Variants in TASP1 observed in about 807,000 individuals in gnomAD.
TASP1 encodes the protein threonine aspartase 1.
In TASP1, 16 loss-of-function variants were observed where a neutral mutation model predicts 56.6. That is an observed-to-expected ratio of 0.28 (90% CI 0.19 to 0.43). The LOEUF is 0.43. Among genes scored for constraint, TASP1 ranks in the 20% least tolerant of loss-of-function variants. The probability of loss-of-function intolerance (pLI) is 1.00; values close to 1 mark genes in which losing one functional copy is unlikely to be tolerated. For missense variants in TASP1, 393 were observed against 511.6 expected, an observed-to-expected ratio of 0.77 and a Z score of 2.24; for synonymous variants, 179 against 184.2, an observed-to-expected ratio of 0.97 and a Z score of 0.23.
the TASP1 span, among the ~76,000 whole-genome samples, chr20:13,263,632 G>A: frequency 6.6e-6 from 1 of 152,146 alleles, no homozygotes; most frequent in Admixed American, 6.5e-5. Flanking sequence ...AGACAAAATC[G>A]ATGCTCGGCA....
chr20:13,204,528 CATAT>C, the TASP1 span, among the ~76,000 whole-genome samples: 16 of 145,284 alleles, frequency 1.1e-4, no homozygotes, highest in African/African-American at 1.5e-4. Flanking sequence ...TTTATATATT[CATAT>C]ATATATATAT....
chr20:13,190,808 A>G, the TASP1 span, among the ~76,000 whole-genome samples: 9 of 152,276 alleles, frequency 5.9e-5, no homozygotes, highest in Non-Finnish European at 1.0e-4. Flanking sequence ...CCTACAGAAT[A>G]GGAGAAAATA....
intron 7 of TASP1, among the ~76,000 whole-genome samples, chr20:13,566,363 C>CA (rs1261661886): frequency 6.6e-6 from 1 of 151,326 alleles, no homozygotes; most frequent in Non-Finnish European, 1.5e-5. Flanking sequence ...AAAAGAACTA[C>CA]AAAAAAAGTA....
chr20:13,439,733 A>C (rs980777727), intron 11 of TASP1, among the ~76,000 whole-genome samples: 1 of 152,174 alleles, frequency 6.6e-6, no homozygotes, highest in African/African-American at 2.4e-5. Flanking sequence ...AAAGTAAAAC[A>C]AAACAAGAAC....
At chr20:13,114,236 G>A in the TASP1 span, among the ~76,000 whole-genome samples, 2 of 152,234 alleles carry the variant, frequency 1.3e-5, no homozygotes, top group African/African-American at 4.8e-5. Flanking sequence ...AAAGTTTCAT[G>A]AATGCATGAT....
the TASP1 span, among the ~76,000 whole-genome samples, chr20:13,113,339 A>G: frequency 1.3e-5 from 2 of 152,280 alleles, no homozygotes; most frequent in Non-Finnish European, 2.9e-5. Context: ...TTGAATTTTA[A>G]CTTCCAGATT....
the TASP1 span, among the ~76,000 whole-genome samples, chr20:13,348,286 A>C: frequency 6.6e-6 from 1 of 152,238 alleles, no homozygotes; most frequent in African/African-American, 2.4e-5. Context: ...TAAAAAGGAA[A>C]ACAATAAAAG....
the TASP1 span, among the ~76,000 whole-genome samples, chr20:13,163,713 A>C: frequency 6.6e-6 from 1 of 152,084 alleles, no homozygotes; most frequent in Non-Finnish European, 1.5e-5. Context: ...CCCAAAGAGG[A>C]AAGTCCATAA....
At chr20:13,322,145 C>A in the TASP1 span, among the ~76,000 whole-genome samples, 1 of 152,164 alleles carries the variant, frequency 6.6e-6, no homozygotes, top group Non-Finnish European at 1.5e-5. Context: ...AAGAGATTCT[C>A]CTCCTGAACA....
intron 7 of TASP1, among the ~76,000 whole-genome samples, chr20:13,564,314 TA>T (rs140066541): frequency 0.34 from 52,249 of 151,928 alleles, 9,299 homozygotes; most frequent in Non-Finnish European, 0.38. Flanking sequence ...AAAAAGAAAT[TA>T]AGAAAGCAAT....
chr20:13,353,923 G>A, the TASP1 span, among the ~76,000 whole-genome samples: 6 of 152,086 alleles, frequency 3.9e-5, no homozygotes, highest in South Asian at 4.2e-4. Context: ...AAAGTAATAC[G>A]AAAGACACAG....
chr20:13,328,756 G>A, the TASP1 span, among the ~76,000 whole-genome samples: 2 of 146,282 alleles, frequency 1.4e-5, no homozygotes, highest in South Asian at 4.5e-4. Context: ...GCTGAATGAT[G>A]AGAACACATG....
At chr20:13,117,857 C>A in the TASP1 span, 2 of 797,992 alleles carry the variant, frequency 2.5e-6, no homozygotes, top group Admixed American at 3.1e-5. Context: ...AGCCTGGCTA[C>A]AGTGGGTTCA....
the TASP1 span, among the ~76,000 whole-genome samples, chr20:13,241,472 A>G: frequency 3.9e-5 from 6 of 151,992 alleles, no homozygotes; most frequent in African/African-American, 1.2e-4. Flanking sequence ...CAAGAAGGCA[A>G]GGGGCTATGT....
At chr20:13,575,863 C>G (rs1488190829) in intron 6 of TASP1, among the ~76,000 whole-genome samples, 6 of 151,974 alleles carry the variant, frequency 3.9e-5, no homozygotes, top group African/African-American at 1.5e-4. Flanking sequence ...TTAAAAGAAT[C>G]CAGGTTAGAA....
At chr20:13,246,638 C>G in the TASP1 span, among the ~76,000 whole-genome samples, 185 of 152,288 alleles carry the variant, frequency 1.2e-3, 3 homozygotes, top group African/African-American at 4.3e-3. Flanking sequence ...ACCTGAGACC[C>G]GGAAAGTTTA....
At chr20:13,630,459 C>T (rs961374290) in intron 1 of TASP1, among the ~76,000 whole-genome samples, 3 of 151,926 alleles carry the variant, frequency 2.0e-5, no homozygotes, top group Non-Finnish European at 2.9e-5. Context: ...GAGGCTGAGG[C>T]GGGTGGATCA....
chr20:13,266,586 A>G, the TASP1 span, among the ~76,000 whole-genome samples: 1 of 152,160 alleles, frequency 6.6e-6, no homozygotes, highest in African/African-American at 2.4e-5. Context: ...TAACTCATAG[A>G]TTGATGTTCA....
At chr20:13,141,664 A>G in the TASP1 span, among the ~76,000 whole-genome samples, 1 of 152,236 alleles carries the variant, frequency 6.6e-6, no homozygotes, top group Non-Finnish European at 1.5e-5. Context: ...ATTTCTAAAT[A>G]CATTTGCCAC....
Sources: allele counts gnomAD v4.1 joint callset (sites outside exome capture counted in the v4.1 genomes callset), GRCh38; gene constraint gnomAD v4.1.1; transcripts MANE v1.5; gene names NCBI Gene and HGNC (gene_info 2026-07-23, HGNC 2026-07-21).